The following IGSF11 variants were observed in gnomAD, a reference collection of about 807,000 sequenced individuals.
IGSF11 encodes CXADR like 1.
In IGSF11, 22 loss-of-function variants were observed where a neutral mutation model predicts 41.0. The ratio of observed to expected loss-of-function variants is 0.54; its 90% confidence interval spans 0.38 to 0.77. IGSF11 has a LOEUF of 0.77. Among genes scored for constraint, IGSF11 ranks in the 30% least tolerant of loss-of-function variants. IGSF11 has a pLI of 0.00. For missense variants in IGSF11, 444 were observed against 530.8 expected, an observed-to-expected ratio of 0.84 and a Z score of 1.61; for synonymous variants, 219 against 201.3, an observed-to-expected ratio of 1.09 and a Z score of -0.74.
At chr3:119,131,986 C>G (rs2077488946) in intron 1 of IGSF11, among the ~76,000 whole-genome samples, 1 of 152,108 alleles carries the variant, frequency 6.6e-6, no homozygotes, top group Non-Finnish European at 1.5e-5. Context: ...AAATCCTTTA[C>G]AGACAAGCAA....
At chr3:119,034,164 G>C (rs776894387) in intron 1 of IGSF11, among the ~76,000 whole-genome samples, 22 of 152,354 alleles carry the variant, frequency 1.4e-4, no homozygotes, top group Non-Finnish European at 2.8e-4. Flanking sequence ...GGGCCGCCTA[G>C]TAAAGACAAC....
chr3:119,089,620 G>A (rs182776506), intron 1 of IGSF11, among the ~76,000 whole-genome samples: 4 of 152,290 alleles, frequency 2.6e-5, no homozygotes, highest in Admixed American at 2.6e-4. Context: ...ATCAAAAGAG[G>A]AGACAAAGTC....
intron 1 of IGSF11, among the ~76,000 whole-genome samples, chr3:118,968,698 G>T (rs771393470): frequency 7.9e-5 from 12 of 152,316 alleles, no homozygotes; most frequent in Non-Finnish European, 1.5e-4. Flanking sequence ...TTCAATCTGT[G>T]ATGCCCATAT....
At chr3:118,941,952 G>T (rs915426951) in intron 1 of IGSF11, among the ~76,000 whole-genome samples, 7 of 152,152 alleles carry the variant, frequency 4.6e-5, no homozygotes, top group African/African-American at 7.2e-5. Context: ...AGCAGCAGTT[G>T]CCAGATGCTG....
At chr3:119,111,533 T>C (rs2077159701) in intron 1 of IGSF11, among the ~76,000 whole-genome samples, 1 of 152,222 alleles carries the variant, frequency 6.6e-6, no homozygotes, top group African/African-American at 2.4e-5. Context: ...GCCTTTGGTT[T>C]GAATTTCCTC....
At chr3:119,144,682 T>G (rs944104137) in intron 1 of IGSF11, among the ~76,000 whole-genome samples, 40 of 152,182 alleles carry the variant, frequency 2.6e-4, no homozygotes, top group African/African-American at 9.2e-4. Flanking sequence ...ATAAAACAGC[T>G]ACATTTAAAA....
At chr3:119,068,927 CTTT>C (rs574659492) in intron 1 of IGSF11, among the ~76,000 whole-genome samples, 9 of 81,014 alleles carry the variant, frequency 1.1e-4, no homozygotes, top group Non-Finnish European at 1.6e-4. Context: ...TTTTTTTTTT[CTTT>C]TTTTTTTTTT....
intron 4 of IGSF11, among the ~76,000 whole-genome samples, chr3:118,917,869 G>A (rs1305523169): frequency 1.4e-5 from 2 of 142,544 alleles, no homozygotes; most frequent in African/African-American, 5.2e-5. Flanking sequence ...TAAAATACTG[G>A]CAAACCGAAT....
chr3:118,936,137 T>C (rs937019315), intron 1 of IGSF11, among the ~76,000 whole-genome samples: 1 of 152,136 alleles, frequency 6.6e-6, no homozygotes, highest in Admixed American at 6.5e-5. Flanking sequence ...CCAAAAACTC[T>C]ATTTCCTCTT....
intron 3 of IGSF11, among the ~76,000 whole-genome samples, chr3:118,927,435 C>CA (rs1942427198): frequency 6.6e-6 from 1 of 152,174 alleles, no homozygotes; most frequent in South Asian, 2.1e-4. Flanking sequence ...ACTCGGTACT[C>CA]AGAGTATTTT....
chr3:118,917,255 A>G (rs1453911832), intron 4 of IGSF11, among the ~76,000 whole-genome samples: 3 of 148,500 alleles, frequency 2.0e-5, no homozygotes. Flanking sequence ...AATAACTAAA[A>G]TCAGAGCAGA....
intron 1 of IGSF11, among the ~76,000 whole-genome samples, chr3:119,125,980 T>C (rs1264615018): frequency 6.6e-6 from 1 of 152,224 alleles, no homozygotes. Context: ...CTTACAGCTT[T>C]TCAGCTGGAA....
chr3:118,942,730 T>G lies in IGSF11; in HGVS notation c.53-12455A>C, dbSNP rs140230299. 3.5e-3 allele frequency among the ~76,000 whole-genome samples: 536 copies of G among 152,360 alleles called. 4 individuals are homozygous for G. The highest frequency in any genetic ancestry group is 0.012 in the African/African-American group (482 of 41,588). Reference sequence around the variant, plus strand: ...TCTCCTTCTTCTCTCCTACCTCTTCTAAGCCTATCTTTGTCAAGTTGTCTG... The same window carrying G: ...TCTCCTTCTTCTCTCCTACCTCTTCGAAGCCTATCTTTGTCAAGTTGTCTG... On this transcript the variant is annotated intron_variant, in intron 1 of 6. Coordinates refer to ENST00000393775, the MANE Select transcript of IGSF11 (RefSeq NM_001015887.3).
intron 1 of IGSF11, among the ~76,000 whole-genome samples, chr3:119,050,330 G>C (rs1391654298): frequency 6.6e-6 from 1 of 152,160 alleles, no homozygotes; most frequent in Non-Finnish European, 1.5e-5. Context: ...CAAAAAGTGG[G>C]CAAAGGACGT....
In IGSF11 at chr3:119,143,456, C is replaced by T. The variant is rs145789979; in HGVS notation, c.-14+2357G>A. ...TGTAATCTCTAAGTAACCACTAAGA[C>T]AATAACTAAAAATATATATACAGAA... On this transcript the variant is annotated intron_variant, in intron 1 of 7. Coordinates refer to the IGSF11 transcript ENST00000425327. 2.0e-4 allele frequency among the ~76,000 whole-genome samples: 31 copies of T among 151,602 alleles called. 1 individual carries two copies. The East Asian group carries it at 6.0e-3, about 29-fold the overall frequency.
At chr3:119,106,495 T>C (rs1476260400), upstream of IGSF11, among the ~76,000 whole-genome samples, 1 of 152,194 alleles carries the variant, frequency 6.6e-6, no homozygotes, top group Non-Finnish European at 1.5e-5. Flanking sequence ...CCTGACATAA[T>C]GACCTACAGT....
chr3:119,123,096 C>A (rs2077355131), intron 1 of IGSF11, among the ~76,000 whole-genome samples: 1 of 152,144 alleles, frequency 6.6e-6, no homozygotes, highest in African/African-American at 2.4e-5. Flanking sequence ...TAAACCCATG[C>A]TGGGCCAGAG....
At chr3:118,967,948 AG>A (rs1309460255) in intron 1 of IGSF11, among the ~76,000 whole-genome samples, 2 of 152,286 alleles carry the variant, frequency 1.3e-5, no homozygotes, top group East Asian at 3.9e-4. Context: ...AATGTGACAC[AG>A]GGTAGTTTCC....
intron 1 of IGSF11, among the ~76,000 whole-genome samples, chr3:119,140,652 C>A (rs200628932): frequency 1.3e-5 from 2 of 152,118 alleles, no homozygotes; most frequent in Non-Finnish European, 2.9e-5. Context: ...TCCGCCCAAC[C>A]GCAGCAGAAT....
Sources: allele counts gnomAD v4.1 joint callset (sites outside exome capture counted in the v4.1 genomes callset), GRCh38; gene constraint gnomAD v4.1.1; transcripts MANE v1.5; gene names NCBI Gene and HGNC (gene_info 2026-07-23, HGNC 2026-07-21).